Variants in TEX36 observed in about 807,000 individuals in gnomAD.
TEX36 encodes the protein testis-expressed protein 36.
Under a neutral mutation model 13.6 loss-of-function variants are expected in TEX36, and 12 were observed. The ratio of observed to expected loss-of-function variants is 0.88; its 90% CI spans 0.56 to 1.43. The LOEUF (loss-of-function observed/expected upper bound fraction) is 1.43. Among genes scored for constraint, TEX36 ranks in the 40% most tolerant of loss-of-function variants. TEX36 has a pLI of 0.00. For missense variants in TEX36, 224 were observed against 228.3 expected (o/e 0.98, Z 0.12); for synonymous variants, 93 against 83.0 (o/e 1.12, Z -0.65).
At chr10:125,593,538 C>A (rs1589745179) in intron 3 of TEX36, among the ~76,000 whole-genome samples, 1 of 152,202 alleles carries the variant, frequency 6.6e-6, no homozygotes, top group African/African-American at 2.4e-5. Flanking sequence ...CAGGCTAATA[C>A]ATTAGAAAAT....
chr10:125,649,347 A>T (rs569876728), intron 3 of TEX36, among the ~76,000 whole-genome samples: 1 of 152,366 alleles, frequency 6.6e-6, no homozygotes, highest in East Asian at 1.9e-4. Context: ...TGGGGGGCCA[A>T]TATTCAACAT....
intron 3 of TEX36, among the ~76,000 whole-genome samples, chr10:125,624,878 G>A (rs1489062060): frequency 6.6e-6 from 1 of 152,110 alleles, no homozygotes; most frequent in Non-Finnish European, 1.5e-5. Context: ...TGCATAAAGA[G>A]ATAAGGAAGG....
chr10:125,645,084 G>A (rs1379175484), intron 3 of TEX36, among the ~76,000 whole-genome samples: 2 of 152,206 alleles, frequency 1.3e-5, no homozygotes, highest in East Asian at 1.9e-4. Flanking sequence ...TGATGAGAGT[G>A]CACCTCGATT....
In TEX36 at chr10:125,661,285, C is replaced by A. The variant is rs543376326; in HGVS notation, c.184-184G>T. On this transcript the variant is annotated intron_variant, in intron 2 of 3. Coordinates refer to ENST00000368821, the MANE Select transcript of TEX36 (RefSeq NM_001128202.3). ...AGGATATCCACGTGCTCATCAGCGC[C>A]GGGCTTTGAAACCCCACCTTATTTC... 3.3e-5 allele frequency among the ~76,000 whole-genome samples: 5 copies of A among 152,280 alleles called. No individual in the cohort carries two copies. In the East Asian group the frequency reaches 9.6e-4, roughly 29 times the overall value.
chr10:125,583,271 G>C (rs1845905392), intron 3 of TEX36, among the ~76,000 whole-genome samples: 1 of 151,810 alleles, frequency 6.6e-6, no homozygotes, highest in Non-Finnish European at 1.5e-5. Context: ...CCCGAGACTG[G>C]GTAACTTAAA....
chr10:125,579,213 A>C (rs1233987519), intron 3 of TEX36, among the ~76,000 whole-genome samples: 2 of 152,242 alleles, frequency 1.3e-5, no homozygotes, highest in Non-Finnish European at 2.9e-5. Context: ...GTACTTTATA[A>C]AGAAAAGAGG....
chr10:125,659,973 G>A (rs1330734979), intron 3 of TEX36, among the ~76,000 whole-genome samples: 1 of 152,186 alleles, frequency 6.6e-6, no homozygotes, highest in Non-Finnish European at 1.5e-5. Context: ...CACTTGATAT[G>A]TGAGTTGTCT....
downstream of TEX36, among the ~76,000 whole-genome samples, chr10:125,618,290 C>A (rs1296948400): frequency 5.3e-5 from 8 of 152,232 alleles, no homozygotes; most frequent in Non-Finnish European, 1.0e-4. Flanking sequence ...CTCAGCTCAT[C>A]AAAGTCATTC....
At position 125,661,929 on chromosome 10, in the gene TEX36, C is replaced by T; in HGVS notation, c.100G>A (p.Ala34Thr). The change falls in exon 2 of 4, where the codon GCT becomes ACT. Residue 34 changes from alanine (A) to threonine (T), a missense_variant. Physicochemically the swap from Ala to Thr is moderately conservative, Grantham distance 58 (BLOSUM62 0). Transcript: ENST00000368821. ...TQKTPESITS[A>T]TSKEPQSPHL... ...GGACTCTGGGGCTCTTTTGACGTAG[C>T]ACTGGTGATGGATTCTGGTGTCTTT... The T allele has an allele frequency of 2.6e-6, 4 of 1,552,308 alleles. No individual in the cohort carries two copies. Among genetic ancestry groups the T allele is most frequent in the Non-Finnish European group, 2.6e-6 (3 of 1,147,128 alleles).
intron 3 of TEX36, among the ~76,000 whole-genome samples, chr10:125,602,336 A>G (rs1846159452): frequency 6.6e-6 from 1 of 152,158 alleles, no homozygotes; most frequent in Non-Finnish European, 1.5e-5. Flanking sequence ...AAAGCCATAG[A>G]TGGGAAAGCG....
At chr10:125,636,136 A>G (rs1330239005) in intron 3 of TEX36, among the ~76,000 whole-genome samples, 1 of 151,862 alleles carries the variant, frequency 6.6e-6, no homozygotes, top group Non-Finnish European at 1.5e-5. Flanking sequence ...CGGCCTCCCA[A>G]AGTGCTGGGA....
chr10:125,579,593 C>A (rs992685392), intron 3 of TEX36, among the ~76,000 whole-genome samples: 4 of 152,118 alleles, frequency 2.6e-5, no homozygotes, highest in Non-Finnish European at 5.9e-5. Flanking sequence ...TGTGTCCCTG[C>A]CCAAATTTCA....
At chr10:125,611,716 T>G (rs533470812) in intron 3 of TEX36, among the ~76,000 whole-genome samples, 1 of 152,306 alleles carries the variant, frequency 6.6e-6, no homozygotes, top group African/African-American at 2.4e-5. Flanking sequence ...AAGCTTTAAA[T>G]GTTGACAGGG....
chr10:125,621,833 G>A (rs1013857482), intron 3 of TEX36, among the ~76,000 whole-genome samples: 1 of 152,126 alleles, frequency 6.6e-6, no homozygotes, highest in East Asian at 1.9e-4. Context: ...AGGAGTGGGA[G>A]GAAGCACCCA....
chr10:125,671,574 A>G (rs1406777424), intron 1 of TEX36, among the ~76,000 whole-genome samples: 1 of 152,102 alleles, frequency 6.6e-6, no homozygotes, highest in Non-Finnish European at 1.5e-5. Context: ...TTCATCATGG[A>G]TATTGGCTTT....
intron 3 of TEX36, among the ~76,000 whole-genome samples, chr10:125,582,288 C>T (rs1208011775): frequency 6.6e-6 from 1 of 152,182 alleles, no homozygotes; most frequent in Non-Finnish European, 1.5e-5. Flanking sequence ...ACTTTCACTC[C>T]CATAATTTAA....
chr10:125,581,255 C>T (rs1023392778), intron 3 of TEX36, among the ~76,000 whole-genome samples: 7 of 152,170 alleles, frequency 4.6e-5, no homozygotes, highest in African/African-American at 1.7e-4. Flanking sequence ...AGTTGATTGA[C>T]AAACACCCCC....
downstream of TEX36, among the ~76,000 whole-genome samples, chr10:125,651,490 C>T (rs540083480): frequency 9.9e-5 from 15 of 152,196 alleles, no homozygotes; most frequent in African/African-American, 2.2e-4. Flanking sequence ...ATTGATGGGA[C>T]GTATCTCAAA....
chr10:125,628,613 G>A (rs1292907663), intron 3 of TEX36, among the ~76,000 whole-genome samples: 3 of 152,204 alleles, frequency 2.0e-5, no homozygotes, highest in Non-Finnish European at 2.9e-5. Context: ...ATGGAGCATC[G>A]TTTTGGAGGA....
Sources: allele counts gnomAD v4.1 joint callset (sites outside exome capture counted in the v4.1 genomes callset), GRCh38; gene constraint gnomAD v4.1.1; transcripts MANE v1.5; gene names NCBI Gene and HGNC (gene_info 2026-07-23, HGNC 2026-07-21).